The following MAST4 variants were observed in gnomAD, a reference collection of about 807,000 sequenced individuals.
MAST4 encodes microtubule associated serine/threonine kinase family member 4, also known as microtubule-associated serine/threonine-protein kinase 4.
MAST4 carries 89 observed loss-of-function variants against 162.7 expected under a neutral mutation model. That is an observed-to-expected ratio of 0.55 (90% CI 0.46 to 0.65). The LOEUF (loss-of-function observed/expected upper bound fraction) is 0.65. Among genes scored for constraint, MAST4 ranks in the 30% least tolerant of loss-of-function variants. The probability of loss-of-function intolerance (pLI) is 0.00; values close to 1 mark genes in which losing one functional copy is unlikely to be tolerated. For synonymous variants in MAST4, 1,479 were observed against 1,361.1 expected, an observed-to-expected ratio of 1.09 and a Z score of -1.91; for missense variants, 3,153 against 3,374.0, an observed-to-expected ratio of 0.93 and a Z score of 1.62.
intron 27 of MAST4, among the ~76,000 whole-genome samples, chr5:67,161,776 T>TTG (rs1323834632): frequency 6.6e-6 from 1 of 152,236 alleles, no homozygotes; most frequent in African/African-American, 2.4e-5. Context: ...CATAAGATCT[T>TTG]CTTTATTATT....
At chr5:66,812,442 C>T (rs1304117983) in intron 3 of MAST4, among the ~76,000 whole-genome samples, 1 of 152,166 alleles carries the variant, frequency 6.6e-6, no homozygotes, top group East Asian at 1.9e-4. Context: ...TCAGGAGAGC[C>T]CCTGCCTATG....
chr5:67,149,622 A>G (rs1391613646), intron 24 of MAST4, 33 bp downstream of exon 24: 1 of 1,598,366 alleles, frequency 6.3e-7, no homozygotes, highest in Non-Finnish European at 8.6e-7. Context: ...AAATTGTGTG[A>G]TTTGTGCATG....
intron 3 of MAST4, among the ~76,000 whole-genome samples, chr5:66,837,641 T>C (rs950764045): frequency 2.6e-5 from 4 of 151,874 alleles, no homozygotes; most frequent in Non-Finnish European, 5.9e-5. Context: ...GAAAGCTTCC[T>C]AAAGCCTATA....
At chr5:67,010,424 A>G (rs1005815279) in intron 4 of MAST4, among the ~76,000 whole-genome samples, 1 of 152,136 alleles carries the variant, frequency 6.6e-6, no homozygotes, top group Non-Finnish European at 1.5e-5. Context: ...AAGAGCCATC[A>G]TGGGAGGAGT....
intron 1 of MAST4, among the ~76,000 whole-genome samples, chr5:66,700,183 G>C (rs763650155): frequency 1.3e-5 from 2 of 152,290 alleles, no homozygotes; most frequent in Non-Finnish European, 2.9e-5. Flanking sequence ...TCTATTGGCA[G>C]CAAAGAGAAT....
intron 1 of MAST4, among the ~76,000 whole-genome samples, chr5:66,699,391 G>A (rs533060875): frequency 1.5e-4 from 23 of 152,280 alleles, no homozygotes; most frequent in African/African-American, 5.3e-4. Context: ...AGAACTGCAG[G>A]CCCTAAGGGG....
At chr5:66,943,743 A>C (rs1161545932) in intron 4 of MAST4, among the ~76,000 whole-genome samples, 2 of 148,022 alleles carry the variant, frequency 1.4e-5, no homozygotes, top group Admixed American at 6.6e-5. Context: ...ATGTGTGTTC[A>C]GCGAAAAAAA....
At chr5:66,878,427 C>T (rs1432678893) in intron 3 of MAST4, among the ~76,000 whole-genome samples, 2 of 152,192 alleles carry the variant, frequency 1.3e-5, no homozygotes, top group Non-Finnish European at 2.9e-5. Flanking sequence ...CAAATTTGTA[C>T]ACAACAATTC....
At chr5:67,161,333 A>G (rs547453581) in intron 27 of MAST4, among the ~76,000 whole-genome samples, 25 of 152,364 alleles carry the variant, frequency 1.6e-4, no homozygotes, top group South Asian at 1.0e-3. Flanking sequence ...GGGGGGAAAA[A>G]AAGTTATACA....
At chr5:67,014,284 G>A (rs1490382403) in intron 4 of MAST4, among the ~76,000 whole-genome samples, 1 of 152,190 alleles carries the variant, frequency 6.6e-6, no homozygotes, top group Non-Finnish European at 1.5e-5. Flanking sequence ...CAGTTGCCTT[G>A]GCAAGTTGAA....
chr5:67,012,663 A>C (rs778446), intron 4 of MAST4, among the ~76,000 whole-genome samples: 77,418 of 151,994 alleles, frequency 0.51, 21,045 homozygotes, highest in East Asian at 0.7. Flanking sequence ...AATGTGGTAC[A>C]TTTTGTAACT....
chr5:66,621,186 G>A (rs942383906), intron 1 of MAST4, among the ~76,000 whole-genome samples: 5 of 152,162 alleles, frequency 3.3e-5, no homozygotes, highest in African/African-American at 1.2e-4. Context: ...CCTCAGTAGT[G>A]TCATGTTCAT....
intron 3 of MAST4, among the ~76,000 whole-genome samples, chr5:66,847,057 G>A (rs1025602570): frequency 6.6e-6 from 1 of 152,050 alleles, no homozygotes; most frequent in Non-Finnish European, 1.5e-5. Context: ...TAGGAAATAC[G>A]TAGCCTCAAC....
At chr5:67,021,671 T>C (rs1224518105) in intron 4 of MAST4, among the ~76,000 whole-genome samples, 1 of 152,210 alleles carries the variant, frequency 6.6e-6, no homozygotes, top group Non-Finnish European at 1.5e-5. Context: ...CCCTGGTGTC[T>C]GGTAGAAGAC....
chr5:66,993,929 C>CCA lies in MAST4; in HGVS notation c.675-60474_675-60473insAC, dbSNP rs1554078123. Among the ~76,000 whole-genome samples the CCA allele has an allele frequency of 5.2e-4, 52 of 99,462 alleles. 1 individual carries two copies. Among genetic ancestry groups the CCA allele is most frequent in the South Asian group, 1.0e-3 (2 of 2,006 alleles). 65.3% of individuals were successfully genotyped at this position (99,462 alleles called of 152,430 possible). A position where few individuals can be genotyped will look rare whatever the true frequency, so the allele number is the denominator to read the frequency against. ...AATGGGTGTGCAGAAGACCCCCCCCCCCACCCCACCAAATCTGCATTTCTA... is the reference window on the plus strand; with the variant it reads ...AATGGGTGTGCAGAAGACCCCCCCCCCACCACCCCACCAAATCTGCATTTCTA... On this transcript the variant is annotated intron_variant, in intron 4 of 28. Transcript: ENST00000403625.
chr5:67,107,057 T>C (rs141056682), intron 10 of MAST4, among the ~76,000 whole-genome samples: 63 of 152,324 alleles, frequency 4.1e-4, no homozygotes, highest in African/African-American at 1.4e-3. Context: ...GTTTGCTAAA[T>C]GGTGCACTTT....
chr5:66,633,944 T>C (rs549171708), intron 1 of MAST4, among the ~76,000 whole-genome samples: 2 of 152,266 alleles, frequency 1.3e-5, no homozygotes, highest in Non-Finnish European at 2.9e-5. Context: ...TTATTTACCA[T>C]GAGGATCATG....
At chr5:67,052,937 A>G (rs1288825756) in intron 4 of MAST4, among the ~76,000 whole-genome samples, 1 of 152,224 alleles carries the variant, frequency 6.6e-6, no homozygotes, top group African/African-American at 2.4e-5. Context: ...ATTATACAGT[A>G]TCTTTTAAAA....
At chr5:66,718,246 T>A (rs183652543) in intron 1 of MAST4, among the ~76,000 whole-genome samples, 21 of 151,282 alleles carry the variant, frequency 1.4e-4, no homozygotes, top group Non-Finnish European at 1.5e-5. Flanking sequence ...ATTTGAAGGT[T>A]TTTTTTGTTT....
Sources: gnomAD v4.1 joint callset for allele counts (sites outside exome capture counted in the v4.1 genomes callset) on GRCh38, gnomAD v4.1.1 for gene constraint, MANE v1.5 for transcripts, NCBI Gene and HGNC (gene_info 2026-07-23, HGNC 2026-07-21) for gene names.